Variants in NRG1 observed in about 807,000 individuals in gnomAD.
The protein encoded by NRG1 is neuregulin 1, also known as pro-neuregulin-1, membrane-bound isoform.
In NRG1, 18 loss-of-function variants were observed where a neutral mutation model predicts 63.8. The ratio of observed to expected loss-of-function variants is 0.28; its 90% CI spans 0.19 to 0.42. The LOEUF is 0.42. Among genes scored for constraint, NRG1 ranks in the 10% least tolerant of loss-of-function variants. The probability of loss-of-function intolerance (pLI) is 1.00; values close to 1 mark genes in which losing one functional copy is unlikely to be tolerated. For missense variants in NRG1, 762 were observed against 814.7 expected (o/e 0.94, Z 0.79); for synonymous variants, 302 against 301.3 (o/e 1.00, Z -0.02).
intron 1 of NRG1, among the ~76,000 whole-genome samples, chr8:32,465,979 C>A (rs1823014664): frequency 6.6e-6 from 1 of 152,062 alleles, no homozygotes; most frequent in East Asian, 1.9e-4. Context: ...CAGTGATGAG[C>A]CTTCAGATAA....
chr8:32,026,598 T>C (rs1242507006), intron 1 of NRG1, among the ~76,000 whole-genome samples: 1 of 152,212 alleles, frequency 6.6e-6, no homozygotes, highest in Non-Finnish European at 1.5e-5. Context: ...ATTAATGTTA[T>C]TCTACCGTAT....
intron 1 of NRG1, among the ~76,000 whole-genome samples, chr8:32,221,431 T>A (rs528352000): frequency 5.7e-4 from 87 of 152,338 alleles, no homozygotes; most frequent in Middle Eastern, 3.4e-3. Context: ...CAAGACTGTG[T>A]TGCCTCTAAA....
At chr8:32,256,708 G>C (rs1586435595) in intron 1 of NRG1, 1 of 152,556 alleles carries the variant, frequency 6.6e-6, no homozygotes, top group Non-Finnish European at 1.5e-5. Context: ...TCTCTTGTGT[G>C]AGGTGTCTGT....
At chr8:31,915,216 C>G (rs552529888) in intron 1 of NRG1, among the ~76,000 whole-genome samples, 27 of 152,118 alleles carry the variant, frequency 1.8e-4, no homozygotes, top group Non-Finnish European at 3.8e-4. Flanking sequence ...TAATTAAAAA[C>G]ATGTCCACTC....
chr8:32,506,918 G>A (rs917252172), intron 1 of NRG1, among the ~76,000 whole-genome samples: 3 of 152,056 alleles, frequency 2.0e-5, no homozygotes, highest in Admixed American at 6.6e-5. Context: ...TTTCAAGGGT[G>A]TACAATCTCC....
intron 1 of NRG1, among the ~76,000 whole-genome samples, chr8:32,364,968 T>C (rs1563364544): frequency 6.9e-6 from 1 of 145,266 alleles, no homozygotes; most frequent in Non-Finnish European, 1.5e-5. Context: ...TTTTTTTTTT[T>C]TTTTTTTTGA....
intron 1 of NRG1, among the ~76,000 whole-genome samples, chr8:32,476,384 A>G (rs1824519869): frequency 1.3e-5 from 2 of 152,228 alleles, no homozygotes; most frequent in African/African-American, 4.8e-5. Flanking sequence ...CACCTCCTTT[A>G]TGTGCTCATA....
chr8:32,721,151 A>C (rs1168418710), intron 5 of NRG1, among the ~76,000 whole-genome samples: 1 of 152,180 alleles, frequency 6.6e-6, no homozygotes, highest in Non-Finnish European at 1.5e-5. Flanking sequence ...TCCCCTGTGC[A>C]CTTTTGTGAA....
chr8:32,256,736 T>C (rs1030470634), intron 1 of NRG1: 2 of 152,250 alleles, frequency 1.3e-5, no homozygotes, highest in African/African-American at 4.8e-5. Context: ...TGCTGGGAGG[T>C]TTCTCCCAGT....
chr8:31,740,847 G>A (rs1032893779), intron 1 of NRG1, among the ~76,000 whole-genome samples: 11 of 151,930 alleles, frequency 7.2e-5, no homozygotes, highest in Non-Finnish European at 5.9e-5. Flanking sequence ...GAAGTGTTTC[G>A]ACTCAGCAAT....
chr8:32,211,941 A>G (rs1198543645), intron 1 of NRG1, among the ~76,000 whole-genome samples: 3 of 152,126 alleles, frequency 2.0e-5, no homozygotes, highest in African/African-American at 7.2e-5. Context: ...TCTTTAGTCC[A>G]TTGATGGCTG....
At chr8:32,384,204 T>C (rs907469100) in intron 1 of NRG1, among the ~76,000 whole-genome samples, 1 of 152,060 alleles carries the variant, frequency 6.6e-6, no homozygotes, top group South Asian at 2.1e-4. Flanking sequence ...ACCACTACAC[T>C]CCAGCCCGGG....
At chr8:31,986,534 A>G (rs1483001734) in intron 1 of NRG1, among the ~76,000 whole-genome samples, 1 of 152,128 alleles carries the variant, frequency 6.6e-6, no homozygotes, top group African/African-American at 2.4e-5. Context: ...ATTTTCTGCA[A>G]AGTTATTGGA....
At chr8:31,931,201 G>T (rs1385763807) in intron 1 of NRG1, among the ~76,000 whole-genome samples, 2 of 152,000 alleles carry the variant, frequency 1.3e-5, no homozygotes, top group Non-Finnish European at 2.9e-5. Context: ...ACCTCTCACC[G>T]AAACCTTAGG....
intron 1 of NRG1, among the ~76,000 whole-genome samples, chr8:32,213,509 G>T (rs1007587124): frequency 6.6e-6 from 1 of 152,008 alleles, no homozygotes; most frequent in Non-Finnish European, 1.5e-5. Context: ...TGCATGTTGG[G>T]CTTAATACAT....
chr8:32,475,633 A>G (rs1459780586), intron 1 of NRG1, among the ~76,000 whole-genome samples: 1 of 151,290 alleles, frequency 6.6e-6, no homozygotes, highest in East Asian at 2.0e-4. Context: ...GCCTCAAACT[A>G]CTCCTGGGCT....
chr8:32,100,053 C>T (rs1160971796), intron 1 of NRG1, among the ~76,000 whole-genome samples: 2 of 151,986 alleles, frequency 1.3e-5, no homozygotes, highest in Non-Finnish European at 2.9e-5. Context: ...AGGTCAATTT[C>T]TCTTTCTACC....
chr8:31,879,435 A>T (rs1308100544), intron 1 of NRG1, among the ~76,000 whole-genome samples: 1 of 152,132 alleles, frequency 6.6e-6, no homozygotes, highest in East Asian at 1.9e-4. Flanking sequence ...TGATGCAGGG[A>T]TGGGTTATCC....
intron 1 of NRG1, among the ~76,000 whole-genome samples, chr8:31,968,399 T>C (rs1270804683): frequency 6.6e-6 from 1 of 152,150 alleles, no homozygotes; most frequent in South Asian, 2.1e-4. Context: ...CCTTTGCAAA[T>C]AGGTACTCAC....
Sources: gnomAD v4.1 joint callset for allele counts (sites outside exome capture counted in the v4.1 genomes callset) on GRCh38, gnomAD v4.1.1 for gene constraint, MANE v1.5 for transcripts, NCBI Gene and HGNC (gene_info 2026-07-23, HGNC 2026-07-21) for gene names.